SIK3: variants seen among roughly 807,000 people sequenced by gnomAD.
SIK3 encodes the protein SIK family kinase 3.
Under a neutral mutation model 144.2 loss-of-function variants are expected in SIK3, and 28 were observed. The ratio of observed to expected loss-of-function variants is 0.19; its 90% CI spans 0.14 to 0.27. The LOEUF (loss-of-function observed/expected upper bound fraction) is 0.27. Ranked by LOEUF, SIK3 falls within the 10% of genes least tolerant of loss-of-function variation. The probability of loss-of-function intolerance (pLI) is 1.00; values close to 1 mark genes in which losing one functional copy is unlikely to be tolerated. For missense variants in SIK3, 1,319 were observed against 1,776.0 expected (o/e 0.74, Z 4.62); for synonymous variants, 686 against 676.3 (o/e 1.01, Z -0.22).
chr11:117,082,954 G>A (rs1193762403), intron 1 of SIK3, among the ~76,000 whole-genome samples: 1 of 152,002 alleles, frequency 6.6e-6, no homozygotes, highest in Non-Finnish European at 1.5e-5. Flanking sequence ...GGGCCAAAAA[G>A]GTTCCACAAA....
chr11:116,931,340 A>G (rs1219307711), intron 3 of SIK3, among the ~76,000 whole-genome samples: 1 of 152,254 alleles, frequency 6.6e-6, no homozygotes, highest in Non-Finnish European at 1.5e-5. Context: ...CTGACCTTTC[A>G]AAGAGCAAAA....
intron 1 of SIK3, among the ~76,000 whole-genome samples, chr11:117,089,522 A>G (rs927414945): frequency 6.6e-6 from 1 of 151,980 alleles, no homozygotes; most frequent in Admixed American, 6.6e-5. Flanking sequence ...TATATCATCC[A>G]TTTCTATTTC....
rs1208708805 is a variant in SIK3 at position 116,848,994 on chromosome 11, GTT to G, written c.3819+124_3819+125del. On this transcript the variant is annotated intron_variant, in intron 22 of 24. Transcript: ENST00000445177. ...GAAAAAAAAAGAAATGCTCCCCACCGTTTCCAGAAAGGCTGAATGCTGACTGA... is the reference window on the plus strand; with the variant it reads ...GAAAAAAAAAGAAATGCTCCCCACCGTCCAGAAAGGCTGAATGCTGACTGA... 4.5e-6 allele frequency: 5 copies of G among 1,111,188 alleles called. No individual in the cohort carries two copies. The Admixed American group carries it at 1.5e-4, about 34-fold the overall frequency. 68.8% of individuals were successfully genotyped at this position (1,111,188 alleles called of 1,614,324 possible).
At chr11:116,910,129 T>C (rs1452243246) in intron 4 of SIK3, among the ~76,000 whole-genome samples, 1 of 152,212 alleles carries the variant, frequency 6.6e-6, no homozygotes. Context: ...TATTTCTCAG[T>C]AACCCATATT....
intron 6 of SIK3, among the ~76,000 whole-genome samples, chr11:116,889,888 G>A (rs1048140507): frequency 1.3e-5 from 2 of 152,058 alleles, no homozygotes; most frequent in African/African-American, 4.8e-5. Context: ...CAGAGATCCT[G>A]TCTCAAAAAA....
chr11:117,036,149 G>A (rs1952491081), intron 1 of SIK3: 2 of 488,592 alleles, frequency 4.1e-6, no homozygotes, highest in South Asian at 4.0e-5. Context: ...TGCAACTCCT[G>A]GCTTCAAGCA....
intron 1 of SIK3, among the ~76,000 whole-genome samples, chr11:117,065,221 TA>T (rs1953957754): frequency 6.6e-6 from 1 of 151,524 alleles, no homozygotes; most frequent in African/African-American, 2.4e-5. Flanking sequence ...TTACCCAACA[TA>T]AAATGAGACG....
At chr11:117,025,570 AG>A (rs1270980105) in intron 1 of SIK3, among the ~76,000 whole-genome samples, 1 of 107,542 alleles carries the variant, frequency 9.3e-6, no homozygotes, top group Admixed American at 1.0e-4. Context: ...CTGAGACCAC[AG>A]GCATGTTTCA....
chr11:117,055,913 C>T (rs1591622758), intron 1 of SIK3, among the ~76,000 whole-genome samples: 1 of 152,234 alleles, frequency 6.6e-6, no homozygotes, highest in East Asian at 1.9e-4. Flanking sequence ...AGACCAAATC[C>T]CCATCAATGA....
chr11:116,854,497 T>G (rs938569994), intron 21 of SIK3, among the ~76,000 whole-genome samples: 2 of 152,388 alleles, frequency 1.3e-5, no homozygotes, highest in Non-Finnish European at 2.9e-5. Context: ...CAAAGCTGTT[T>G]ATGAGCTTGT....
chr11:116,884,399 G>A (rs1944706150), intron 6 of SIK3, among the ~76,000 whole-genome samples: 1 of 149,560 alleles, frequency 6.7e-6, no homozygotes, highest in Admixed American at 6.7e-5. Flanking sequence ...CCAGGCTGGA[G>A]TGTAGCAGTG....
At chr11:117,036,033 G>A (rs533713379) in intron 1 of SIK3, 17 of 1,393,538 alleles carry the variant, frequency 1.2e-5, no homozygotes, top group Non-Finnish European at 1.6e-5. Context: ...GGATGAAGGA[G>A]ACCCTTTGCA....
chr11:116,865,228 G>T (rs1943567517), intron 15 of SIK3, among the ~76,000 whole-genome samples: 2 of 151,750 alleles, frequency 1.3e-5, no homozygotes, highest in African/African-American at 2.4e-5. Context: ...TTTCTGAAAT[G>T]GACATGTTTC....
chr11:117,028,616 G>A (rs903761699), intron 1 of SIK3, among the ~76,000 whole-genome samples: 1 of 151,558 alleles, frequency 6.6e-6, no homozygotes, highest in African/African-American at 2.4e-5. Context: ...CAAATGGATA[G>A]AAGAAAGAAG....
intron 21 of SIK3, among the ~76,000 whole-genome samples, chr11:116,856,196 CAAAA>C (rs780021390): frequency 1.7e-5 from 2 of 115,646 alleles, no homozygotes; most frequent in Admixed American, 8.8e-5. Context: ...GACTCCGTCT[CAAAA>C]AAAAAAAAAA....
At position 117,009,591 on chromosome 11, in the gene SIK3, C is replaced by T. The variant is rs146161649; in HGVS notation, c.274-52527G>A. Among the ~76,000 whole-genome samples, 597 of 151,918 alleles carry T rather than the reference C, an allele frequency of 3.9e-3. 5 individuals are homozygous for T. Among genetic ancestry groups the T allele is most frequent in the African/African-American group, 0.014 (579 of 41,452 alleles). ...AAAAAACAAAACAGAGAAACTCTGA[C>T]GCAAAAGTCAAGATTTATTGTTTAA... On this transcript the variant is annotated intron_variant, in intron 1 of 24. Transcript: ENST00000445177.
chr11:116,870,073 A>G (rs1332174346), intron 14 of SIK3: 8 of 1,437,474 alleles, frequency 5.6e-6, no homozygotes, highest in Non-Finnish European at 7.4e-6. Context: ...GACAAGGAAG[A>G]AGGAGGGAGG....
chr11:117,080,951 A>C (rs1379504745), intron 1 of SIK3, among the ~76,000 whole-genome samples: 3 of 152,192 alleles, frequency 2.0e-5, no homozygotes, highest in Non-Finnish European at 2.9e-5. Context: ...GTCTCAAAAA[A>C]ATAAAACAAT....
chr11:117,034,748 G>T (rs4938326), intron 1 of SIK3, among the ~76,000 whole-genome samples: 1 of 152,080 alleles, frequency 6.6e-6, no homozygotes, highest in South Asian at 2.1e-4. Context: ...GAGTTACCTG[G>T]AATTATACAG....
Sources: gnomAD v4.1 joint callset for allele counts (sites outside exome capture counted in the v4.1 genomes callset) on GRCh38, gnomAD v4.1.1 for gene constraint, MANE v1.5 for transcripts, NCBI Gene and HGNC (gene_info 2026-07-23, HGNC 2026-07-21) for gene names.